CALN1: variants seen among roughly 807,000 people sequenced by gnomAD.
CALN1 encodes calneuron 1.
In CALN1, 17 loss-of-function variants were observed where a neutral mutation model predicts 30.6. The ratio of observed to expected loss-of-function variants is 0.56; its 90% confidence interval spans 0.38 to 0.83. CALN1 has a LOEUF of 0.83. Ranked by LOEUF, CALN1 falls within the 40% of genes least tolerant of loss-of-function variation. The pLI, the probability that CALN1 is intolerant of heterozygous loss-of-function variation, is 0.00. For synonymous variants in CALN1, 156 were observed against 131.4 expected, an observed-to-expected ratio of 1.19 and a Z score of -1.28; for missense variants, 291 against 354.9, an observed-to-expected ratio of 0.82 and a Z score of 1.45.
chr7:72,145,426 A>G (rs985386559), intron 3 of CALN1, among the ~76,000 whole-genome samples: 2 of 152,232 alleles, frequency 1.3e-5, no homozygotes, highest in Non-Finnish European at 2.9e-5. Context: ...ACCAGGAAGA[A>G]GTTGAATCTC....
chr7:71,905,239 T>C (rs1162068314), intron 5 of CALN1, among the ~76,000 whole-genome samples: 1 of 152,082 alleles, frequency 6.6e-6, no homozygotes, highest in Non-Finnish European at 1.5e-5. Context: ...GTGCCTGGCC[T>C]ATTTATTTAT....
chr7:71,797,337 T>G (rs1383449109), intron 6 of CALN1, among the ~76,000 whole-genome samples: 1 of 152,234 alleles, frequency 6.6e-6, no homozygotes, highest in East Asian at 1.9e-4. Context: ...CCACCAGGTC[T>G]GGGAGCTATT....
intron 2 of CALN1, among the ~76,000 whole-genome samples, chr7:72,331,527 T>G (rs1801677532): frequency 6.6e-6 from 1 of 152,164 alleles, no homozygotes; most frequent in Non-Finnish European, 1.5e-5. Flanking sequence ...GGAGGACAGG[T>G]GAGCCCAAAA....
At chr7:72,035,325 G>A (rs1253426861) in intron 4 of CALN1, among the ~76,000 whole-genome samples, 1 of 151,858 alleles carries the variant, frequency 6.6e-6, no homozygotes, top group East Asian at 1.9e-4. Context: ...CTTTCTCTCG[G>A]ATTTTGACTA....
At chr7:71,847,743 G>GAAGAAGAAAGAAGA (rs1554353589) in intron 5 of CALN1, among the ~76,000 whole-genome samples, 6 of 94,540 alleles carry the variant, frequency 6.3e-5, no homozygotes, top group African/African-American at 2.0e-4. Context: ...AAAGAAGAAA[G>GAAGAAGAAAGAAGA]AAGAAGAAAG....
intron 4 of CALN1, among the ~76,000 whole-genome samples, chr7:72,035,564 C>CT: frequency 6.6e-6 from 1 of 152,034 alleles, no homozygotes. Context: ...TGTAGTTGAT[C>CT]TTTTTGTAGT....
At chr7:72,268,352 C>A (rs2129553263) in intron 3 of CALN1, among the ~76,000 whole-genome samples, 1 of 152,180 alleles carries the variant, frequency 6.6e-6, no homozygotes, top group East Asian at 1.9e-4. Flanking sequence ...AGGGATTCAG[C>A]CACACAGGAC....
chr7:71,950,012 T>A (rs1033772560), intron 5 of CALN1, among the ~76,000 whole-genome samples: 4 of 152,138 alleles, frequency 2.6e-5, no homozygotes, highest in African/African-American at 9.6e-5. Context: ...TCTGCCTGCC[T>A]CAGCCTCCCA....
intron 1 of CALN1, among the ~76,000 whole-genome samples, chr7:72,424,778 G>A (rs1585714978): frequency 6.6e-6 from 1 of 151,992 alleles, no homozygotes; most frequent in East Asian, 1.9e-4. Context: ...TTTATTTTTT[G>A]TAGGGATGGG....
intron 4 of CALN1, among the ~76,000 whole-genome samples, chr7:72,101,079 T>C (rs992771648): frequency 6.6e-6 from 1 of 151,954 alleles, no homozygotes; most frequent in Non-Finnish European, 1.5e-5. Flanking sequence ...TTCTCGTGCC[T>C]TAGCCTCCCG....
intron 5 of CALN1, among the ~76,000 whole-genome samples, chr7:71,856,920 A>G (rs1056265610): frequency 3.3e-5 from 5 of 152,020 alleles, no homozygotes; most frequent in African/African-American, 1.2e-4. Context: ...GTGCCATTGC[A>G]CTCCAGCCTG....
chr7:72,193,867 T>A (rs1790799066), intron 3 of CALN1, among the ~76,000 whole-genome samples: 2 of 152,078 alleles, frequency 1.3e-5, no homozygotes, highest in South Asian at 4.1e-4. Context: ...GGATGGAAAA[T>A]GATACATTGT....
chr7:72,233,193 G>GAAA (rs200734987), intron 3 of CALN1, among the ~76,000 whole-genome samples: 2 of 117,858 alleles, frequency 1.7e-5, no homozygotes, highest in African/African-American at 3.1e-5. Context: ...CTGTAAAAAG[G>GAAA]AAAAAAAAAA....
At chr7:72,468,087 T>A in the CALN1 span, among the ~76,000 whole-genome samples, 1 of 152,250 alleles carries the variant, frequency 6.6e-6, no homozygotes, top group Non-Finnish European at 1.5e-5. Context: ...TCATTCCTTT[T>A]TATGATCCCA....
At chr7:72,053,481 G>A (rs1802971476) in intron 4 of CALN1, among the ~76,000 whole-genome samples, 1 of 152,072 alleles carries the variant, frequency 6.6e-6, no homozygotes, top group Non-Finnish European at 1.5e-5. Context: ...TTGAGGAATC[G>A]CCACACTGCC....
In CALN1 at chr7:71,840,435, C is replaced by T. The variant is rs13235523; in HGVS notation, c.502-29943G>A. ...AGGAGTTTACAGCTGCAATGAGCTA[C>T]GATTGCACCATGGCACTCCAGCCTG... On this transcript the variant is annotated intron_variant, in intron 5 of 6. Coordinates refer to ENST00000395275, the MANE Select transcript of CALN1 (RefSeq NM_031468.4). Among the ~76,000 whole-genome samples, 1,182 of 133,800 alleles carry T rather than the reference C, an allele frequency of 8.8e-3. 33 individuals are homozygous for T. The highest frequency in any genetic ancestry group is 0.066 in the Admixed American group (772 of 11,616). The allele number at this position is 133,800 out of a possible 152,430, so 87.8% of individuals were successfully genotyped here.
At chr7:72,347,565 C>A (rs552390923) in intron 2 of CALN1, among the ~76,000 whole-genome samples, 1 of 152,138 alleles carries the variant, frequency 6.6e-6, no homozygotes, top group South Asian at 2.1e-4. Flanking sequence ...CAAGCCCGGC[C>A]AAGACAAAAT....
chr7:72,283,115 T>C (rs1027037885), intron 2 of CALN1, among the ~76,000 whole-genome samples: 1 of 151,724 alleles, frequency 6.6e-6, no homozygotes, highest in African/African-American at 2.4e-5. Context: ...ATTTGAATCC[T>C]ACCTCTGCCC....
At chr7:72,484,231 T>C in the CALN1 span, among the ~76,000 whole-genome samples, 287 of 152,010 alleles carry the variant, frequency 1.9e-3, 1 homozygote, top group African/African-American at 6.2e-3. Context: ...TTTACCTTGT[T>C]GGATGCTGGC....
Sources: allele counts gnomAD v4.1 joint callset (sites outside exome capture counted in the v4.1 genomes callset), GRCh38; gene constraint gnomAD v4.1.1; transcripts MANE v1.5; gene names NCBI Gene and HGNC (gene_info 2026-07-23, HGNC 2026-07-21).